Variants in NPAS3 observed in about 807,000 individuals in gnomAD.
NPAS3 encodes neuronal PAS domain-containing protein 3.
In NPAS3, 14 loss-of-function variants were observed where a neutral mutation model predicts 73.1. The observed-to-expected ratio is 0.19, with a 90% confidence interval of 0.13 to 0.30. The LOEUF is 0.30. Ranked by LOEUF, NPAS3 falls within the 10% of genes least tolerant of loss-of-function variation. The probability of loss-of-function intolerance (pLI) is 1.00; values close to 1 mark genes in which losing one functional copy is unlikely to be tolerated. For missense variants in NPAS3, 1,096 were observed against 1,250.0 expected (o/e 0.88, Z 1.86); for synonymous variants, 620 against 541.5 (o/e 1.14, Z -2.01).
In NPAS3 at chr14:33,684,172, A is replaced by AAGTT. The variant is rs538678286; in HGVS notation, c.733+7789_733+7792dup. ...AGGAATTTTCTCCAAGGGGATTCTG[A>AAGTT]AGTTAAGAGAGAAACGTAACTATCC... On this transcript the variant is annotated intron_variant, in intron 6 of 11. Transcript: ENST00000356141. Among the ~76,000 whole-genome samples, 373 of 152,018 alleles carry AAGTT rather than the reference A, an allele frequency of 2.5e-3. 12 individuals are homozygous for AAGTT. Among genetic ancestry groups the AAGTT allele is most frequent in the Admixed American group, 0.017 (267 of 15,276 alleles).
intron 4 of NPAS3, among the ~76,000 whole-genome samples, chr14:33,427,551 G>C (rs17101088): frequency 0.03 from 4,499 of 151,782 alleles, 225 homozygotes; most frequent in African/African-American, 0.1. Flanking sequence ...AAGGAACAGT[G>C]AGATGCCCAC....
chr14:33,796,234 C>T (rs181452128), intron 10 of NPAS3, among the ~76,000 whole-genome samples: 62 of 152,324 alleles, frequency 4.1e-4, no homozygotes, highest in African/African-American at 1.4e-3. Flanking sequence ...AGGCCCCAAT[C>T]CAGGCTTGTC....
chr14:33,171,477 G>A (rs2045386462), intron 2 of NPAS3, among the ~76,000 whole-genome samples: 1 of 152,142 alleles, frequency 6.6e-6, no homozygotes, highest in South Asian at 2.1e-4. Context: ...ACACTTTTAT[G>A]TTATGGCATC....
chr14:33,488,062 G>A (rs747933823), intron 4 of NPAS3, among the ~76,000 whole-genome samples: 15 of 152,182 alleles, frequency 9.9e-5, no homozygotes, highest in Non-Finnish European at 1.3e-4. Flanking sequence ...AGCAGGTAAG[G>A]GGCTGGGATA....
At chr14:33,057,351 C>T (rs2040927363) in intron 2 of NPAS3, among the ~76,000 whole-genome samples, 1 of 151,784 alleles carries the variant, frequency 6.6e-6, no homozygotes, top group Admixed American at 6.6e-5. Context: ...TTTATTGTGG[C>T]TCTTGGTGGC....
intron 3 of NPAS3, among the ~76,000 whole-genome samples, chr14:33,260,346 C>T (rs1481619662): frequency 6.6e-6 from 1 of 150,926 alleles, no homozygotes; most frequent in African/African-American, 2.4e-5. Flanking sequence ...TCTTTGTTTT[C>T]CTTTCCTTTT....
At chr14:33,056,054 A>C in intron 2 of NPAS3, 60 bp downstream of exon 2, 5 of 730,522 alleles carry the variant, frequency 6.8e-6, no homozygotes, top group South Asian at 6.5e-5. Context: ...TGTGGTTGCC[A>C]GCTATTCAAA....
intron 5 of NPAS3, among the ~76,000 whole-genome samples, chr14:33,652,608 T>C (rs1414348571): frequency 3.9e-5 from 6 of 152,206 alleles, no homozygotes; most frequent in Non-Finnish European, 8.8e-5. Flanking sequence ...AAAAGTAGGT[T>C]GCCCTCACGA....
intron 4 of NPAS3, among the ~76,000 whole-genome samples, chr14:33,540,636 G>GA (rs2054468288): frequency 6.6e-6 from 1 of 152,042 alleles, no homozygotes; most frequent in Admixed American, 6.6e-5. Flanking sequence ...TGGGAATAGG[G>GA]AAAAAAAGAA....
chr14:32,999,510 C>CAAAA (rs5807698), intron 1 of NPAS3, among the ~76,000 whole-genome samples: 1 of 143,180 alleles, frequency 7.0e-6, no homozygotes. Flanking sequence ...GATTCTATCT[C>CAAAA]AAAAAAAAAA....
chr14:33,223,704 A>T (rs897514883), intron 3 of NPAS3, among the ~76,000 whole-genome samples: 3 of 152,152 alleles, frequency 2.0e-5, no homozygotes, highest in African/African-American at 7.2e-5. Context: ...GAAGCCGTTT[A>T]TTAATAATTT....
intron 7 of NPAS3, among the ~76,000 whole-genome samples, chr14:33,765,566 C>G (rs977412049): frequency 6.6e-6 from 1 of 152,148 alleles, no homozygotes; most frequent in Non-Finnish European, 1.5e-5. Context: ...TGCCCTGATC[C>G]CACATCAGCC....
intron 5 of NPAS3, among the ~76,000 whole-genome samples, chr14:33,666,425 T>G (rs1054334200): frequency 6.6e-6 from 1 of 152,206 alleles, no homozygotes; most frequent in African/African-American, 2.4e-5. Flanking sequence ...GACATACTAG[T>G]GCTACTCAAA....
intron 7 of NPAS3, among the ~76,000 whole-genome samples, chr14:33,742,376 C>T (rs2061676671): frequency 6.6e-6 from 1 of 152,284 alleles, no homozygotes; most frequent in African/African-American, 2.4e-5. Context: ...GACAATAAAA[C>T]AAACGTGGGA....
rs117675953 is a variant in NPAS3 at position 33,443,012 on chromosome 14, A to G, written c.468+75744A>G. Among the ~76,000 whole-genome samples the G allele has an allele frequency of 2.8e-3, 421 of 152,322 alleles. 2 individuals are homozygous for G. The highest frequency in any genetic ancestry group is 0.01 in the Middle Eastern group (3 of 294). ...ATCTGTATGAAATGTCTTTATGAAA[A>G]CATTGTTTAAAATGTGGAATGATTC... On this transcript the variant is annotated intron_variant, in intron 4 of 11. Coordinates refer to ENST00000356141, the Ensembl canonical transcript of NPAS3.
intron 5 of NPAS3, among the ~76,000 whole-genome samples, chr14:33,611,474 GAGGGGCAGTT>G (rs2057746381): frequency 6.6e-6 from 1 of 152,120 alleles, no homozygotes; most frequent in Admixed American, 6.5e-5. Context: ...GCCTACTTTT[GAGGGGCAGTT>G]AGGGGCAGTC....
intron 4 of NPAS3, among the ~76,000 whole-genome samples, chr14:33,451,635 CGGTTCATTGTTATGGTTTCTTTA>C (rs1051386525): frequency 1.2e-4 from 19 of 152,072 alleles, no homozygotes; most frequent in Non-Finnish European, 7.4e-5. Context: ...TATGACAATA[CGGTTCATTGTTATGGTTTCTTTA>C]GGTTCATTTC....
At chr14:33,047,921 T>C (rs1208285967) in intron 1 of NPAS3, among the ~76,000 whole-genome samples, 1 of 152,240 alleles carries the variant, frequency 6.6e-6, no homozygotes, top group Admixed American at 6.5e-5. Context: ...CTGTATAGGA[T>C]ACTCTTTTAA....
At chr14:33,022,622 G>A (rs908975355) in intron 1 of NPAS3, among the ~76,000 whole-genome samples, 7 of 139,820 alleles carry the variant, frequency 5.0e-5, no homozygotes, top group African/African-American at 1.6e-4. Context: ...CCGAGATCGC[G>A]CCACCGCACT....
Sources: gnomAD v4.1 joint callset for allele counts (sites outside exome capture counted in the v4.1 genomes callset) on GRCh38, gnomAD v4.1.1 for gene constraint, MANE v1.5 for transcripts, NCBI Gene and HGNC (gene_info 2026-07-23, HGNC 2026-07-21) for gene names.